NPAS3: variants seen among roughly 807,000 people sequenced by gnomAD.
The protein encoded by NPAS3 is neuronal PAS domain protein 3, also known as neuronal PAS domain-containing protein 3.
A neutral mutation model predicts 73.1 loss-of-function variants in NPAS3; 14 were observed. The observed-to-expected ratio is 0.19, with a 90% CI of 0.13 to 0.30. The LOEUF (loss-of-function observed/expected upper bound fraction) is 0.30. NPAS3 is among the 10% of genes least tolerant of loss of function. The probability of loss-of-function intolerance (pLI) is 1.00; values close to 1 mark genes in which losing one functional copy is unlikely to be tolerated. For synonymous variants in NPAS3, 620 were observed against 541.5 expected (o/e 1.14, Z -2.01); for missense variants, 1,096 against 1,250.0 (o/e 0.88, Z 1.86).
At chr14:33,705,389 A>T (rs2060629167) in intron 6 of NPAS3, among the ~76,000 whole-genome samples, 1 of 152,218 alleles carries the variant, frequency 6.6e-6, no homozygotes, top group Non-Finnish European at 1.5e-5. Flanking sequence ...GGAGTGTTGA[A>T]ATGAAGATAT....
chr14:33,169,710 G>A (rs1369503844), intron 2 of NPAS3, among the ~76,000 whole-genome samples: 1 of 152,202 alleles, frequency 6.6e-6, no homozygotes, highest in Non-Finnish European at 1.5e-5. Flanking sequence ...ATAAGAAATT[G>A]GCGGGCTATG....
intron 4 of NPAS3, among the ~76,000 whole-genome samples, chr14:33,432,487 C>A (rs1028168256): frequency 1.1e-4 from 17 of 152,042 alleles, no homozygotes; most frequent in Non-Finnish European, 2.9e-5. Context: ...TTTGTAAAAC[C>A]ATTGGCTGGT....
chr14:33,398,521 T>A (rs1345335425), intron 4 of NPAS3, among the ~76,000 whole-genome samples: 1 of 152,092 alleles, frequency 6.6e-6, no homozygotes, highest in Non-Finnish European at 1.5e-5. Flanking sequence ...CTAAGAGTTA[T>A]CTGGATTTAT....
chr14:33,766,859 G>T (rs1026229940), intron 7 of NPAS3, among the ~76,000 whole-genome samples: 13 of 152,134 alleles, frequency 8.5e-5, no homozygotes, highest in African/African-American at 3.1e-4. Context: ...CTTCCACCTT[G>T]TGAAGTCAGC....
chr14:33,277,477 A>C (rs1377925340), intron 3 of NPAS3, among the ~76,000 whole-genome samples: 1 of 152,234 alleles, frequency 6.6e-6, no homozygotes, highest in African/African-American at 2.4e-5. Context: ...CCAGAGAAGA[A>C]AGTCAACAAA....
rs561463624 is a variant in NPAS3, at chr14:33,137,943, CT to C, written c.141-77238del. On this transcript the variant is annotated intron_variant, in intron 2 of 11. Transcript: ENST00000356141. ...GGTACAACTTTCTGAACAGAATTAT[CT>C]GGTAGGTGTGGAGGGTTTTTAAAAT... Among the ~76,000 whole-genome samples, 35 of 152,084 alleles carry C rather than the reference CT, an allele frequency of 2.3e-4. 2 individuals carry two copies. In the South Asian group the frequency reaches 7.1e-3, roughly 31 times the overall value.
At chr14:33,388,790 T>G (rs1219530753) in intron 4 of NPAS3, among the ~76,000 whole-genome samples, 1 of 152,162 alleles carries the variant, frequency 6.6e-6, no homozygotes, top group Non-Finnish European at 1.5e-5. Flanking sequence ...AACCTAGCAA[T>G]CTGTTCCCGA....
At chr14:33,784,745 A>ATTTTTTTTTTTTATTTTTTTTTTT (rs2063103673) in intron 9 of NPAS3, among the ~76,000 whole-genome samples, 1 of 73,840 alleles carries the variant, frequency 1.4e-5, no homozygotes, top group African/African-American at 6.3e-5. Flanking sequence ...TTATTTATTT[A>ATTTTTTTTTTTTATTTTTTTTTTT]TTTTTTTTTT....
intron 4 of NPAS3, among the ~76,000 whole-genome samples, chr14:33,524,506 A>G (rs1001945518): frequency 2.0e-5 from 3 of 152,180 alleles, no homozygotes; most frequent in Admixed American, 2.0e-4. Flanking sequence ...TTAATCAATA[A>G]TCTGCCAAAC....
At chr14:33,439,401 A>C (rs1367973445) in intron 4 of NPAS3, among the ~76,000 whole-genome samples, 1 of 152,222 alleles carries the variant, frequency 6.6e-6, no homozygotes, top group East Asian at 1.9e-4. Context: ...ACACACAAGA[A>C]AAAGGCCTGA....
chr14:33,393,804 T>C (rs914069221), intron 4 of NPAS3, among the ~76,000 whole-genome samples: 12 of 152,184 alleles, frequency 7.9e-5, no homozygotes. Context: ...AGTTAACTAC[T>C]TGTATTTTAG....
chr14:33,536,713 T>C (rs1166907788), intron 4 of NPAS3, among the ~76,000 whole-genome samples: 2 of 152,030 alleles, frequency 1.3e-5, no homozygotes, highest in Non-Finnish European at 2.9e-5. Context: ...CTGTTATGCT[T>C]TTAAAATTCT....
chr14:33,724,586 T>C (rs1226249031), intron 6 of NPAS3, among the ~76,000 whole-genome samples: 1 of 152,118 alleles, frequency 6.6e-6, no homozygotes, highest in Non-Finnish European at 1.5e-5. Context: ...CTAGCTGTGA[T>C]TGTACCACTG....
chr14:33,463,182 A>T (rs1292602943), intron 4 of NPAS3, among the ~76,000 whole-genome samples: 3 of 152,222 alleles, frequency 2.0e-5, no homozygotes, highest in Non-Finnish European at 2.9e-5. Flanking sequence ...TATGAGCATT[A>T]CATCTTGGCC....
intron 3 of NPAS3, among the ~76,000 whole-genome samples, chr14:33,273,587 ACT>A (rs1172087804): frequency 2.0e-5 from 3 of 152,190 alleles, no homozygotes; most frequent in African/African-American, 4.8e-5. Context: ...TAAGATTATG[ACT>A]CTGATTCAGA....
chr14:33,616,882 G>T (rs940411203), intron 5 of NPAS3, among the ~76,000 whole-genome samples: 37 of 152,192 alleles, frequency 2.4e-4, no homozygotes, highest in African/African-American at 8.9e-4. Flanking sequence ...CAAATCTTCT[G>T]TCAAGTGAGG....
rs765283989 is a variant in NPAS3 at position 33,783,450 on chromosome 14, C to T, written c.1153+4878C>T. Among the ~76,000 whole-genome samples, 11 of 152,264 alleles carry T rather than the reference C, an allele frequency of 7.2e-5. No individual in the cohort carries two copies. The South Asian group carries it at 1.0e-3, about 14-fold the overall frequency. On this transcript the variant is annotated intron_variant, in intron 9 of 11. Coordinates refer to ENST00000356141, the Ensembl canonical transcript of NPAS3. ...GAAAGGAAATGCATGTAATAGCTAC[C>T]ATGTCTGACTTTCTTCAGAAGCCAA...
intron 1 of NPAS3, among the ~76,000 whole-genome samples, chr14:33,036,236 C>A (rs1360911645): frequency 6.6e-6 from 1 of 152,074 alleles, no homozygotes; most frequent in African/African-American, 2.4e-5. Context: ...GGGTAGGAAG[C>A]CCAAGGGGCT....
At chr14:33,016,789 T>G (rs1325729386) in intron 1 of NPAS3, among the ~76,000 whole-genome samples, 1 of 152,168 alleles carries the variant, frequency 6.6e-6, no homozygotes, top group Non-Finnish European at 1.5e-5. Context: ...TCCTAATTTT[T>G]AAGCATACTG....
Sources: gnomAD v4.1 joint callset for allele counts (sites outside exome capture counted in the v4.1 genomes callset) on GRCh38, gnomAD v4.1.1 for gene constraint, MANE v1.5 for transcripts, NCBI Gene and HGNC (gene_info 2026-07-23, HGNC 2026-07-21) for gene names.